Variants in IGF2 observed in about 807,000 individuals in gnomAD.
IGF2 encodes the protein insulin like growth factor 2.
IGF2 carries 2 observed loss-of-function variants against 12.0 expected under a neutral mutation model. The observed-to-expected ratio is 0.17, with a 90% CI of 0.07 to 0.52. The LOEUF is 0.52. Among genes scored for constraint, IGF2 ranks in the 20% least tolerant of loss-of-function variants. The pLI is 0.95. For synonymous variants in IGF2, 105 were observed against 110.1 expected (o/e 0.95, Z 0.29); for missense variants, 211 against 268.0 (o/e 0.79, Z 1.48).
At chr11:2,140,790 G>T (rs1859530226), upstream of IGF2, 1 of 310,470 alleles carries the variant, frequency 3.2e-6, no homozygotes, top group African/African-American at 2.3e-5. Flanking sequence ...CGGGACAGCA[G>T]CAGATGCGGG....
chr11:2,136,452 T>C (rs1174770098), intron 1 of IGF2, among the ~76,000 whole-genome samples: 2 of 152,168 alleles, frequency 1.3e-5, no homozygotes, highest in East Asian at 3.9e-4. Context: ...AGGCCAGTCT[T>C]AGGACACACC....
At chr11:2,146,223 C>G, upstream of IGF2, 1 of 528,548 alleles carries the variant, frequency 1.9e-6, no homozygotes, top group Non-Finnish European at 3.8e-6. Flanking sequence ...GTGGGCCTTT[C>G]TCATTCCCAT....
chr11:2,145,102 C>T (rs981581480), upstream of IGF2, among the ~76,000 whole-genome samples: 6 of 152,138 alleles, frequency 3.9e-5, no homozygotes, highest in Non-Finnish European at 8.8e-5. Context: ...ATCAATCACC[C>T]CCATGTCCCA....
In IGF2 at chr11:2,131,216, C is replaced by T. The variant is rs1003370611; in HGVS notation, c.*1771G>A. The T allele has an allele frequency of 2.4e-4, 56 of 233,256 alleles. No individual in the cohort carries two copies. In the East Asian group the frequency reaches 2.7e-3, roughly 11 times the overall value. The allele number at this position is 233,256 out of a possible 1,614,324, so 14.4% of individuals were successfully genotyped here. The stretch of plus-strand genomic sequence containing the variant: ...CACCCTACGGGTGTATCCCAAATGC[C>T]GCCGGCCGCACACTCAGGCCGCACC... On this transcript the variant is annotated 3_prime_UTR_variant, in exon 4 of 4. Coordinates refer to ENST00000416167, the MANE Select transcript of IGF2 (RefSeq NM_000612.6).
Position 2,133,353 on chromosome 11 carries a change from C to T in IGF2, c.307-130G>A. ...GAGCTAATGTCCACGGGCAGAGGGA[C>T]AGAAGGAGCCAGCGTCTGAGCTGCT... On this transcript the variant is annotated intron_variant, in intron 3 of 3. Coordinates refer to ENST00000416167, the MANE Select transcript of IGF2 (RefSeq NM_000612.6). The surrounding 1 kb of genome is among the most constrained non-coding windows in gnomAD (Gnocchi z 8.9). 4.0e-6 allele frequency: 4 copies of T among 992,790 alleles called. No homozygotes were observed. In the South Asian group the frequency reaches 6.8e-5, roughly 17 times the overall value. The allele number at this position is 992,790 out of a possible 1,614,324, so 61.5% of individuals were successfully genotyped here. A position where few individuals can be genotyped will look rare whatever the true frequency, so the allele number is the denominator to read the frequency against.
At position 2,138,390 on chromosome 11, in the gene IGF2, G is replaced by GA. The variant is rs1347552295; in HGVS notation, c.-169_-168insT. 1 of 495,596 alleles carries GA rather than the reference G, an allele frequency of 2.0e-6. No homozygotes were observed. Among genetic ancestry groups the GA allele is most frequent in the Non-Finnish European group, 2.5e-6 (1 of 394,654 alleles). The allele number at this position is 495,596 out of a possible 1,614,324, so 30.7% of individuals were successfully genotyped here. A position where few individuals can be genotyped will look rare whatever the true frequency, so the allele number is the denominator to read the frequency against. The stretch of plus-strand genomic sequence containing the variant: ...AGAGCGGGGGGATGGCTTTTTTTTG[G>GA]GGGGGGGGGGAGAATTCGTCTGATT... On this transcript the variant is annotated 5_prime_UTR_variant, in exon 1 of 4. Transcript: ENST00000416167.
chr11:2,140,311 G>A, upstream of IGF2: 1 of 1,608,952 alleles, frequency 6.2e-7, no homozygotes. Flanking sequence ...TGGAGAGTTT[G>A]AACGATGTAA....
rs1411948139 is a variant in IGF2, at chr11:2,139,013, A to G, written c.-791T>C. On this transcript the variant is annotated 5_prime_UTR_variant, in exon 1 of 4. Transcript: ENST00000416167. ...GGCCGCTCCGGGACGCAGCGCGGAAAGGGGAGCGGCCCGAGGCTGCGCGCC... is the reference window on the plus strand; with the variant it reads ...GGCCGCTCCGGGACGCAGCGCGGAAGGGGGAGCGGCCCGAGGCTGCGCGCC... 1.1e-6 allele frequency: 1 copy of G among 912,490 alleles called. No individual in the cohort carries two copies. The highest frequency in any genetic ancestry group is 1.1e-4 in the Admixed American group (1 of 8,766). The allele number at this position is 912,490 out of a possible 1,614,324, so 56.5% of individuals were successfully genotyped here. A position where few individuals can be genotyped will look rare whatever the true frequency, so the allele number is the denominator to read the frequency against.
At chr11:2,146,169 T>TCGGCCTGTGGCTGCTCCCCATCCC (rs1859925612), upstream of IGF2, 1 of 504,496 alleles carries the variant, frequency 2.0e-6, no homozygotes, top group Non-Finnish European at 4.0e-6. Flanking sequence ...TGCCCCAGCC[T>TCGGCCTGTGGCTGCTCCCCATCCC]CGGCCTGTGG....
rs1858536653 is a variant in IGF2 at position 2,131,389 on chromosome 11, A to G, written c.*1598T>C. The G allele has an allele frequency of 4.3e-6, 1 of 233,322 alleles. No individual in the cohort carries two copies. Among genetic ancestry groups the G allele is most frequent in the South Asian group, 1.8e-4 (1 of 5,538 alleles). 14.5% of individuals were successfully genotyped at this position (233,322 alleles called of 1,614,324 possible). ...CCATACAGATATCGTAGTTGCTTAG[A>G]TATGCTTATTGTTTTCATCCAATTT... is the stretch of plus-strand genomic sequence containing the variant. On this transcript the variant is annotated 3_prime_UTR_variant, in exon 4 of 4. Transcript: ENST00000416167.
At chr11:2,139,532 G>A (rs1221873977), upstream of IGF2, 2 of 140,568 alleles carry the variant, frequency 1.4e-5, no homozygotes, top group Non-Finnish European at 3.1e-5. Context: ...CGCAACCCGA[G>A]CCAAGAGCGG....
Position 2,132,975 on chromosome 11 carries a change from C to T in IGF2, c.*12G>A, listed in dbSNP as rs1428412176. The stretch of plus-strand genomic sequence containing the variant: ...ATGGTGGCGCCGGGCTGCAGACTTG[C>T]GGCAGTTTTGCTCACTTCCGATTGC... On this transcript the variant is annotated 3_prime_UTR_variant, in exon 4 of 4. Coordinates refer to ENST00000416167, the MANE Select transcript of IGF2 (RefSeq NM_000612.6). The T allele has an allele frequency of 6.1e-6, 9 of 1,480,894 alleles. No individual in the cohort carries two copies. The highest frequency in any genetic ancestry group is 4.7e-5 in the Admixed American group (2 of 42,196). 91.7% of individuals were successfully genotyped at this position (1,480,894 alleles called of 1,614,324 possible).
chr11:2,139,976 C>A (rs1042522086), upstream of IGF2, among the ~76,000 whole-genome samples: 1 of 152,036 alleles, frequency 6.6e-6, no homozygotes, highest in South Asian at 2.1e-4. Flanking sequence ...ATCCCGAGCG[C>A]CCCCCGGTGC....
At chr11:2,140,860 G>C (rs758219280), upstream of IGF2, 1 of 351,108 alleles carries the variant, frequency 2.8e-6, no homozygotes, top group Non-Finnish European at 5.5e-6. Context: ...AGCTCACCGC[G>C]AAGCTGGAGG....
chr11:2,146,522 C>T, the IGF2 span: 3 of 419,144 alleles, frequency 7.2e-6, no homozygotes, highest in East Asian at 6.9e-5. Flanking sequence ...CTGCCCAAAG[C>T]CAAAAGTACG....
rs1859242871 is a variant in IGF2, at chr11:2,138,341, C to T, written c.-119G>A. 1.1e-6 allele frequency: 1 copy of T among 937,328 alleles called. No individual in the cohort carries two copies. The highest frequency in any genetic ancestry group is 1.2e-6 in the Non-Finnish European group (1 of 809,058). The allele number at this position is 937,328 out of a possible 1,614,324, so 58.1% of individuals were successfully genotyped here. On this transcript the variant is annotated 5_prime_UTR_variant, in exon 1 of 4. Transcript: ENST00000416167. ...TGCCAGCGCCGCTCTGGCCGAGTCG[C>T]GGGGGCCGAATGTGCGACGGGGCAG...
At position 2,132,201 on chromosome 11, in the gene IGF2, A is replaced by G. The variant is rs904250791; in HGVS notation, c.*786T>C. 4.8e-6 allele frequency: 1 copy of G among 206,418 alleles called. No homozygotes were observed. Among genetic ancestry groups the G allele is most frequent in the African/African-American group, 2.3e-5 (1 of 43,714 alleles). The allele number at this position is 206,418 out of a possible 1,614,324, so 12.8% of individuals were successfully genotyped here. ...GTCGTGCCAATTACATTTCATTTGC[A>G]TGGATTTTGGTTTTCATGCTCTGTC... On this transcript the variant is annotated 3_prime_UTR_variant, in exon 4 of 4. Coordinates refer to ENST00000416167, the MANE Select transcript of IGF2 (RefSeq NM_000612.6).
chr11:2,146,142 C>G (rs560598122), upstream of IGF2: 1 of 480,682 alleles, frequency 2.1e-6, no homozygotes, highest in South Asian at 1.6e-5. Context: ...CAGACTCACC[C>G]CATGGAGCCT....
chr11:2,139,444 G>C (rs1363124470), upstream of IGF2: 1 of 146,926 alleles, frequency 6.8e-6, no homozygotes, highest in Non-Finnish European at 1.5e-5. Context: ...GCGGCCCAGG[G>C]CCCGCGCGGG....
Sources: gnomAD v4.1 joint callset for allele counts (sites outside exome capture counted in the v4.1 genomes callset) on GRCh38, gnomAD v4.1.1 for gene constraint, Gnocchi (gnomAD v3.1) non-coding constraint, MANE v1.5 for transcripts, NCBI Gene and HGNC (gene_info 2026-07-23, HGNC 2026-07-21) for gene names.